NGFR: variants seen among roughly 807,000 people sequenced by gnomAD.
The protein encoded by NGFR is nerve growth factor receptor, also known as tumor necrosis factor receptor superfamily member 16.
NGFR carries 30 observed loss-of-function variants against 43.2 expected under a neutral mutation model. That is an observed-to-expected ratio of 0.69 (90% CI 0.52 to 0.94). The LOEUF is 0.94. Ranked by LOEUF, NGFR falls within the 40% of genes least tolerant of loss-of-function variation. NGFR has a pLI of 0.00. For synonymous variants in NGFR, 246 were observed against 259.6 expected (o/e 0.95, Z 0.50); for missense variants, 529 against 602.5 (o/e 0.88, Z 1.28).
At chr17:49,500,541 C>T (rs753021483) in intron 1 of NGFR, among the ~76,000 whole-genome samples, 3 of 152,146 alleles carry the variant, frequency 2.0e-5, no homozygotes, top group Admixed American at 1.3e-4. Flanking sequence ...AATCTGTGAG[C>T]GGTGGGTGCA....
Position 49,495,496 on chromosome 17 carries a change from C to T in NGFR, c.66+13C>T. On this transcript the variant is annotated intron_variant, in intron 1 of 5. Coordinates refer to ENST00000172229, the MANE Select transcript of NGFR (RefSeq NM_002507.4). This position sits in a 1 kb window ranked among gnomAD's most constrained non-coding sequence, Gnocchi z 6.4. ...GCTGCTTCTGGGGGTGAGTGTTAGC[C>T]GGAGGGGGCCCGCTCCCTTTCCCGG... 3 of 1,235,046 alleles carry T rather than the reference C, an allele frequency of 2.4e-6. No individual in the cohort carries two copies. Among genetic ancestry groups the T allele is most frequent in the Non-Finnish European group, 3.0e-6 (3 of 987,704 alleles). 76.5% of individuals were successfully genotyped at this position (1,235,046 alleles called of 1,614,324 possible).
At chr17:49,502,018 C>T in intron 1 of NGFR, 45 bp from the exon 2 acceptor site, 1 of 1,320,364 alleles carries the variant, frequency 7.6e-7, no homozygotes, top group Non-Finnish European at 1.0e-6. Flanking sequence ...CAACCCACCC[C>T]AGCTTTCTCT....
chr17:49,499,407 A>T (rs1307128770), intron 1 of NGFR, among the ~76,000 whole-genome samples: 2 of 152,286 alleles, frequency 1.3e-5, no homozygotes, highest in African/African-American at 4.8e-5. Flanking sequence ...TTACTTGTGT[A>T]ATACTTACAG....
intron 1 of NGFR, chr17:49,496,087 G>A (rs1420331763): frequency 6.5e-6 from 1 of 153,246 alleles, no homozygotes; most frequent in African/African-American, 2.4e-5. Flanking sequence ...GCGGGAGAGA[G>A]GTTGAGAAGT....
intron 2 of NGFR, among the ~76,000 whole-genome samples, chr17:49,502,866 T>TCCTTC (rs770802748): frequency 2.1e-5 from 3 of 143,908 alleles, no homozygotes. Flanking sequence ...CTTCCTTCCT[T>TCCTTC]CCTTTCTCTC....
At chr17:49,503,199 C>A (rs1438621717) in intron 2 of NGFR, among the ~76,000 whole-genome samples, 2 of 151,966 alleles carry the variant, frequency 1.3e-5, no homozygotes, top group African/African-American at 4.8e-5. Context: ...GGATTAGAGG[C>A]GTGAGCCACC....
In NGFR at chr17:49,502,171, G is replaced by T. The variant is rs750273145; in HGVS notation, c.175G>T (p.Ala59Ser). 6.2e-7 allele frequency: 1 copy of T among 1,611,422 alleles called. No homozygotes were observed. Among genetic ancestry groups the T allele is most frequent in the Non-Finnish European group, 8.5e-7 (1 of 1,178,724 alleles). ...CGAGGGTGTGGCCCAGCCTTGTGGA[G>T]CCAACCAGACCGTGTGTGAGCCCTG... ...LGEGVAQPCGANQTVCEPCLD... is the reference protein window; with the variant it reads ...LGEGVAQPCGSNQTVCEPCLD... The change falls in exon 2 of 6, where the codon GCC becomes TCC. Residue 59 changes from alanine to serine, a missense_variant. Ala to Ser is a moderately conservative substitution (Grantham distance 99). Transcript: ENST00000172229.
chr17:49,502,011 C>T, intron 1 of NGFR, 52 bp from the exon 2 acceptor site: 1 of 789,350 alleles, frequency 1.3e-6, no homozygotes, highest in Non-Finnish European at 1.7e-6. Context: ...CCCCCCCCAA[C>T]CCACCCCAGC....
chr17:49,506,220 G>T, intron 2 of NGFR, 79 bp from the exon 3 acceptor site: 1 of 1,499,562 alleles, frequency 6.7e-7, no homozygotes, highest in Non-Finnish European at 8.9e-7. Flanking sequence ...GCAGGCAATA[G>T]GGGAGGGAGA....
Position 49,511,960 on chromosome 17 carries a change from A to C in NGFR, c.890A>C (p.Glu297Ala). The change falls in exon 5 of 6, where the codon GAG (glutamate) becomes GCG (alanine). Residue 297 changes from glutamate (E) to alanine (A), a missense_variant. By Grantham distance (107) the Glu-to-Ala change is moderately radical. Transcript: ENST00000172229. ...SRPVNQTPPP[E>A]GEKLHSDSGI... ...CCAGTGAACCAGACGCCCCCACCAG[A>C]GGGAGAAAAACTCCACAGCGACAGT... 2 of 1,613,664 alleles carry C rather than the reference A, an allele frequency of 1.2e-6. No homozygotes were observed. The highest frequency in any genetic ancestry group is 1.7e-6 in the Non-Finnish European group (2 of 1,179,836).
At chr17:49,501,999 A>AGGGGGGC in intron 1 of NGFR, 64 bp from the exon 2 acceptor site, 40 of 330,974 alleles carry the variant, frequency 1.2e-4, no homozygotes, top group Non-Finnish European at 2.0e-4. Context: ...TCCCCGGAAG[A>AGGGGGGC]ACCCCCCCCA....
chr17:49,502,017 C>A, intron 1 of NGFR, 46 bp from the exon 2 acceptor site: 3 of 1,305,678 alleles, frequency 2.3e-6, no homozygotes, highest in Non-Finnish European at 3.1e-6. Context: ...CCAACCCACC[C>A]CAGCTTTCTC....
chr17:49,499,823 G>A (rs1031313911), intron 1 of NGFR, among the ~76,000 whole-genome samples: 7 of 152,112 alleles, frequency 4.6e-5, no homozygotes, highest in African/African-American at 4.8e-5. Flanking sequence ...TCCTGACCTC[G>A]TGATCTGCCT....
intron 4 of NGFR, 131 bp from the exon 5 acceptor site, chr17:49,511,761 A>G (rs1297437919): frequency 1.8e-6 from 2 of 1,082,900 alleles, no homozygotes; most frequent in African/African-American, 3.2e-5. Context: ...GGAGCCTTAG[A>G]TGGTGGGGTG....
In NGFR at chr17:49,502,815, T is replaced by TCTTCCGTC. The variant is rs1555564720; in HGVS notation, c.208+616_208+617insGTCCTTCC. On this transcript the variant is annotated intron_variant, in intron 2 of 5. Transcript: ENST00000172229. ...GCTGTGCCCATTCCTGCCTGGGATT[T>TCTTCCGTC]CTTCCTTCCTTCCTTCCTTCCTTCC... is the stretch of plus-strand genomic sequence containing the variant. Among the ~76,000 whole-genome samples, 16 of 121,590 alleles carry TCTTCCGTC rather than the reference T, an allele frequency of 1.3e-4. 1 individual carries two copies. The highest frequency in any genetic ancestry group is 4.9e-4 in the African/African-American group (16 of 32,478). The allele number at this position is 121,590 out of a possible 152,430, so 79.8% of individuals were successfully genotyped here. A position where few individuals can be genotyped will look rare whatever the true frequency, so the allele number is the denominator to read the frequency against.
chr17:49,505,437 C>A (rs552840572), intron 2 of NGFR, among the ~76,000 whole-genome samples: 15 of 152,210 alleles, frequency 9.9e-5, no homozygotes, highest in Non-Finnish European at 2.9e-5. Flanking sequence ...TACAAGGAGG[C>A]AAGGACCCTG....
At chr17:49,506,682 GGGAGTGGGGGT>G in intron 3 of NGFR, 24 bp downstream of exon 3, 49 of 1,174,176 alleles carry the variant, frequency 4.2e-5, no homozygotes, top group Non-Finnish European at 5.1e-5. Context: ...GGGGGGCGGG[GGGAGTGGGGGT>G]GCGGGGGTGG....
rs1176944160 is a variant in NGFR at position 49,506,651 on chromosome 17, G to A, written c.561G>A (p.Glu187=). 5.2e-6 allele frequency: 8 copies of A among 1,527,128 alleles called. No homozygotes were observed. In the South Asian group the frequency reaches 8.5e-5, roughly 16 times the overall value. The allele number at this position is 1,527,128 out of a possible 1,614,324, so 94.6% of individuals were successfully genotyped here. A position where few individuals can be genotyped will look rare whatever the true frequency, so the allele number is the denominator to read the frequency against. Residue 187 remains glutamate (E), a synonymous_variant, in exon 3 of 6, where the codon GAG becomes GAA. Transcript: ENST00000172229. Reference sequence around the variant, plus strand: ...AGTGCACACGCTGGGCCGACGCCGAGTGCGAGGGTGAGTGCGGTTCGGGGG... The same window carrying A: ...AGTGCACACGCTGGGCCGACGCCGAATGCGAGGGTGAGTGCGGTTCGGGGG... ...LRECTRWADA[E]CEEIPGRWIT...
chr17:49,506,746 A>C, intron 3 of NGFR, 88 bp downstream of exon 3: 2 of 1,309,324 alleles, frequency 1.5e-6, no homozygotes, highest in East Asian at 2.6e-5. Context: ...GTCGACAAGG[A>C]CCCTGCCTGG....
Sources: gnomAD v4.1 joint callset for allele counts (sites outside exome capture counted in the v4.1 genomes callset) on GRCh38, gnomAD v4.1.1 for gene constraint, Gnocchi (gnomAD v3.1) non-coding constraint, MANE v1.5 for transcripts, NCBI Gene and HGNC (gene_info 2026-07-23, HGNC 2026-07-21) for gene names.